VTI1A: variants seen among roughly 807,000 people sequenced by gnomAD.
VTI1A encodes the protein vesicle transport through interaction with t-SNAREs 1A, also known as vesicle transport through interaction with t-SNAREs homolog 1A.
In VTI1A, 22 loss-of-function variants were observed where a neutral mutation model predicts 34.9. The observed-to-expected ratio is 0.63, with a 90% CI of 0.45 to 0.90. VTI1A has a LOEUF of 0.90. VTI1A is among the 40% of genes least tolerant of loss of function. VTI1A has a pLI of 0.00. For missense variants in VTI1A, 268 were observed against 275.6 expected (o/e 0.97, Z 0.20); for synonymous variants, 87 against 97.3 (o/e 0.89, Z 0.62).
intron 7 of VTI1A, among the ~76,000 whole-genome samples, chr10:112,686,574 A>C (rs1222236939): frequency 1.3e-5 from 2 of 152,188 alleles, no homozygotes; most frequent in African/African-American, 4.8e-5. Flanking sequence ...GGGAAAATGA[A>C]TTCCGACGTG....
intron 5 of VTI1A, among the ~76,000 whole-genome samples, chr10:112,551,133 A>G (rs962161271): frequency 4.7e-5 from 7 of 150,278 alleles, no homozygotes; most frequent in African/African-American, 1.5e-4. Context: ...AGTCCCAGCT[A>G]CTCCGGAGGC....
Position 112,694,969 on chromosome 10 carries a change from C to CTAAA in VTI1A, c.560+25990_560+25993dup, listed in dbSNP as rs565452984. On this transcript the variant is annotated intron_variant, in intron 7 of 7. Coordinates refer to ENST00000393077, the MANE Select transcript of VTI1A (RefSeq NM_145206.4). The stretch of plus-strand genomic sequence containing the variant: ...GGGTGACAGAGTGAGACTCTGTCTC[C>CTAAA]TAAATAAATAAATAAATAAATAGCA... Among the ~76,000 whole-genome samples the CTAAA allele has an allele frequency of 8.3e-3, 1,256 of 151,852 alleles. 20 individuals are homozygous for CTAAA. Among genetic ancestry groups the CTAAA allele is most frequent in the African/African-American group, 0.028 (1,140 of 41,378 alleles).
intron 5 of VTI1A, among the ~76,000 whole-genome samples, chr10:112,655,828 G>A (rs1026302132): frequency 2.0e-5 from 3 of 152,190 alleles, no homozygotes; most frequent in African/African-American, 7.2e-5. Flanking sequence ...ATTTTTTAAA[G>A]TGTGCCTATC....
the VTI1A span, among the ~76,000 whole-genome samples, chr10:112,843,510 C>G: frequency 1.3e-5 from 2 of 152,226 alleles, no homozygotes; most frequent in Non-Finnish European, 2.9e-5. Flanking sequence ...TGCACTCCTG[C>G]TCTAAACTGA....
chr10:112,542,409 G>A (rs1850902191), intron 5 of VTI1A, among the ~76,000 whole-genome samples: 1 of 152,058 alleles, frequency 6.6e-6, no homozygotes, highest in Non-Finnish European at 1.5e-5. Flanking sequence ...ACCACTTGAT[G>A]ACCTTGCTCC....
At chr10:112,780,112 TAAAAAAAA>T (rs773277515) in intron 7 of VTI1A, among the ~76,000 whole-genome samples, 1 of 111,488 alleles carries the variant, frequency 9.0e-6, no homozygotes, top group Non-Finnish European at 1.9e-5. Flanking sequence ...CCTTGTCTCT[TAAAAAAAA>T]AAAAAAAAAA....
intron 7 of VTI1A, among the ~76,000 whole-genome samples, chr10:112,786,714 T>C (rs1301467793): frequency 5.9e-5 from 9 of 152,206 alleles, no homozygotes; most frequent in Non-Finnish European, 1.3e-4. Flanking sequence ...TGTTCTTGAT[T>C]CTATCAATGT....
At chr10:112,854,303 G>A in the VTI1A span, among the ~76,000 whole-genome samples, 1 of 152,236 alleles carries the variant, frequency 6.6e-6, no homozygotes, top group African/African-American at 2.4e-5. Flanking sequence ...ATTAGCCCAA[G>A]TTCAGTAGCC....
At chr10:112,660,204 G>A (rs952521563) in intron 5 of VTI1A, among the ~76,000 whole-genome samples, 2 of 152,180 alleles carry the variant, frequency 1.3e-5, no homozygotes, top group East Asian at 1.9e-4. Flanking sequence ...AGGTTCAAGC[G>A]ATTCTCCTGC....
At chr10:112,538,538 A>C in intron 5 of VTI1A, 1 of 513,542 alleles carries the variant, frequency 1.9e-6, no homozygotes, top group Non-Finnish European at 3.5e-6. Flanking sequence ...CCTGAGGTTT[A>C]AAAGTATACA....
chr10:112,530,709 G>T (rs1280364462), intron 4 of VTI1A, among the ~76,000 whole-genome samples: 1 of 152,142 alleles, frequency 6.6e-6, no homozygotes, highest in African/African-American at 2.4e-5. Flanking sequence ...GTTCTCTTAA[G>T]TTCTGATTTG....
chr10:112,458,285 C>T (rs1376533732), intron 1 of VTI1A, among the ~76,000 whole-genome samples: 1 of 152,098 alleles, frequency 6.6e-6, no homozygotes, highest in Non-Finnish European at 1.5e-5. Context: ...CAGTTTTGAT[C>T]CAAGATAAGC....
At chr10:112,452,160 G>A (rs976245083) in intron 1 of VTI1A, among the ~76,000 whole-genome samples, 4 of 152,124 alleles carry the variant, frequency 2.6e-5, no homozygotes, top group African/African-American at 9.7e-5. Context: ...TTAGGATTCA[G>A]GCTACCTCAA....
At chr10:112,821,385 A>T (rs1406850949), downstream of VTI1A, among the ~76,000 whole-genome samples, 2 of 151,988 alleles carry the variant, frequency 1.3e-5, no homozygotes, top group Non-Finnish European at 2.9e-5. Context: ...TACCTGGGGG[A>T]GCCCAGGCCC....
chr10:112,520,061 A>G (rs1312870074), intron 3 of VTI1A, among the ~76,000 whole-genome samples: 1 of 152,102 alleles, frequency 6.6e-6, no homozygotes, highest in African/African-American at 2.4e-5. Context: ...AGTGGGGTGT[A>G]TAGTGTATTT....
At chr10:112,609,728 G>A (rs906784613) in intron 5 of VTI1A, among the ~76,000 whole-genome samples, 8 of 151,886 alleles carry the variant, frequency 5.3e-5, no homozygotes, top group Non-Finnish European at 1.5e-5. Flanking sequence ...ATATTATTAC[G>A]CCCTCAATTT....
At chr10:112,487,056 T>C (rs1186967666) in intron 3 of VTI1A, among the ~76,000 whole-genome samples, 1 of 152,166 alleles carries the variant, frequency 6.6e-6, no homozygotes, top group Non-Finnish European at 1.5e-5. Flanking sequence ...AGGAGGCTTG[T>C]GTAGGCATAT....
chr10:112,807,100 G>A (rs777296384), intron 7 of VTI1A, among the ~76,000 whole-genome samples: 23 of 152,314 alleles, frequency 1.5e-4, no homozygotes, highest in Non-Finnish European at 3.2e-4. Context: ...ACTCGGCTGG[G>A]ACTGACCTGT....
At chr10:112,470,986 G>T (rs888635683) in intron 3 of VTI1A, among the ~76,000 whole-genome samples, 3 of 152,164 alleles carry the variant, frequency 2.0e-5, no homozygotes, top group African/African-American at 7.2e-5. Flanking sequence ...GGGTCAGGGT[G>T]GGGGCGCTCA....
Sources: allele counts gnomAD v4.1 joint callset (sites outside exome capture counted in the v4.1 genomes callset), GRCh38; gene constraint gnomAD v4.1.1; transcripts MANE v1.5; gene names NCBI Gene and HGNC (gene_info 2026-07-23, HGNC 2026-07-21).